RCAN2: variants seen among roughly 807,000 people sequenced by gnomAD.
The protein encoded by RCAN2 is calcipressin-2.
In RCAN2, 9 loss-of-function variants were observed where a neutral mutation model predicts 23.6. That is an observed-to-expected ratio of 0.38 (90% CI 0.23 to 0.67). The LOEUF is 0.67. Among genes scored for constraint, RCAN2 ranks in the 30% least tolerant of loss-of-function variants. The pLI is 0.51. For synonymous variants in RCAN2, 109 were observed against 115.7 expected (o/e 0.94, Z 0.37); for missense variants, 273 against 302.3 (o/e 0.90, Z 0.72).
intron 2 of RCAN2, among the ~76,000 whole-genome samples, chr6:46,355,411 C>T (rs1403032948): frequency 6.6e-6 from 1 of 152,106 alleles, no homozygotes; most frequent in African/African-American, 2.4e-5. Flanking sequence ...GGCTCCAGCT[C>T]GACTGGTCAA....
At chr6:46,399,124 A>T (rs907931744) in intron 2 of RCAN2, among the ~76,000 whole-genome samples, 1 of 151,962 alleles carries the variant, frequency 6.6e-6, no homozygotes, top group African/African-American at 2.4e-5. Flanking sequence ...GTATTAATAA[A>T]GTACCTTCAG....
At chr6:46,273,529 A>T (rs2150334221) in intron 2 of RCAN2, among the ~76,000 whole-genome samples, 1 of 152,336 alleles carries the variant, frequency 6.6e-6, no homozygotes, top group Middle Eastern at 3.4e-3. Context: ...AAGGAGCTTA[A>T]GTGATTTTCC....
chr6:46,327,548 G>A (rs1164052584), intron 2 of RCAN2, among the ~76,000 whole-genome samples: 1 of 152,142 alleles, frequency 6.6e-6, no homozygotes, highest in Non-Finnish European at 1.5e-5. Flanking sequence ...GGTAAATGGG[G>A]GATCTACCTG....
chr6:46,478,356 C>A (rs1013345718), intron 1 of RCAN2, among the ~76,000 whole-genome samples: 19 of 152,260 alleles, frequency 1.2e-4, no homozygotes, highest in South Asian at 4.2e-4. Flanking sequence ...ACAACAAACA[C>A]CTATAACACA....
intron 2 of RCAN2, among the ~76,000 whole-genome samples, chr6:46,296,066 CGTGT>C (rs60947209): frequency 0.02 from 2,777 of 138,496 alleles, 65 homozygotes; most frequent in African/African-American, 0.062. Flanking sequence ...CCAATAGCTT[CGTGT>C]GTGTGTGTGT....
chr6:46,414,111 A>C (rs570149171), intron 2 of RCAN2, among the ~76,000 whole-genome samples: 2 of 152,314 alleles, frequency 1.3e-5, no homozygotes, highest in Admixed American at 1.3e-4. Context: ...TAAAATGCCA[A>C]TATGCTGGCC....
intron 1 of RCAN2, among the ~76,000 whole-genome samples, chr6:46,466,225 A>C (rs1224621286): frequency 6.6e-6 from 1 of 152,224 alleles, no homozygotes; most frequent in Admixed American, 6.5e-5. Context: ...AAAGCACAAG[A>C]ACGTTGCTAT....
chr6:46,289,488 A>G (rs745876262), intron 2 of RCAN2, among the ~76,000 whole-genome samples: 2 of 152,206 alleles, frequency 1.3e-5, no homozygotes, highest in African/African-American at 4.8e-5. Context: ...GAGAAAAAAG[A>G]TATTTTATCT....
At chr6:46,311,028 T>G (rs1296822435) in intron 2 of RCAN2, among the ~76,000 whole-genome samples, 1 of 152,188 alleles carries the variant, frequency 6.6e-6, no homozygotes, top group African/African-American at 2.4e-5. Context: ...AGTACCTACA[T>G]GCTTTAGGTA....
At chr6:46,409,900 G>T (rs1389691588) in intron 2 of RCAN2, among the ~76,000 whole-genome samples, 2 of 152,162 alleles carry the variant, frequency 1.3e-5, no homozygotes, top group African/African-American at 4.8e-5. Flanking sequence ...GAAGAGACTG[G>T]CATTTGAAAT....
chr6:46,460,009 G>C (rs193204494), intron 1 of RCAN2, among the ~76,000 whole-genome samples: 5 of 151,866 alleles, frequency 3.3e-5, no homozygotes. Flanking sequence ...AAGTATAAAG[G>C]TCCCACAGCT....
intron 2 of RCAN2, among the ~76,000 whole-genome samples, chr6:46,414,130 G>A (rs1171457257): frequency 6.6e-6 from 1 of 152,194 alleles, no homozygotes; most frequent in Non-Finnish European, 1.5e-5. Context: ...CCAGTGAGGA[G>A]ACTGAGGTTC....
rs200581033 is a variant in RCAN2 at position 46,223,201 on chromosome 6, G to A, written c.672C>T (p.Ser224=). The change falls in exon 5 of 5, where the codon TCC becomes TCT. Residue 224 remains serine (S), a synonymous_variant. Transcript: ENST00000371374. ...DIEEEEDPKT[S]PKPKIIQTRR... is the part of the protein sequence containing the mutation. Reference sequence around the variant, plus strand: ...GAGTTTGGATGATTTTTGGCTTTGGGGAAGTCTTTGGGTCCTCTTCTTCCT... The same window carrying A: ...GAGTTTGGATGATTTTTGGCTTTGGAGAAGTCTTTGGGTCCTCTTCTTCCT... The A allele has an allele frequency of 4.6e-4, 735 of 1,613,924 alleles. 3 individuals carry two copies. Among genetic ancestry groups the A allele is most frequent in the Middle Eastern group, 6.7e-4 (4 of 5,992 alleles).
Position 46,333,388 on chromosome 6 carries a change from G to A in RCAN2, c.226-84492C>T, listed in dbSNP as rs550856203. Among the ~76,000 whole-genome samples, 9 of 152,270 alleles carry A rather than the reference G, an allele frequency of 5.9e-5. No homozygotes were observed. The East Asian group carries it at 1.5e-3, about 26-fold the overall frequency. The stretch of plus-strand genomic sequence containing the variant: ...GCCTTTTCCTTTTTACACCTGTATA[G>A]TATTCAACTATTTGGATTTACCAAC... On this transcript the variant is annotated intron_variant, in intron 2 of 4. Transcript: ENST00000371374.
chr6:46,418,363 C>G (rs1766770128), intron 2 of RCAN2, among the ~76,000 whole-genome samples: 1 of 152,190 alleles, frequency 6.6e-6, no homozygotes, highest in South Asian at 2.1e-4. Flanking sequence ...ATTCAGCCCT[C>G]TAATCATTAA....
chr6:46,261,202 A>T (rs1310224725), intron 2 of RCAN2, among the ~76,000 whole-genome samples: 1 of 152,220 alleles, frequency 6.6e-6, no homozygotes, highest in Non-Finnish European at 1.5e-5. Flanking sequence ...GTCTCACAAG[A>T]GGACAGGAAT....
At chr6:46,436,504 C>T (rs9463203) in intron 2 of RCAN2, among the ~76,000 whole-genome samples, 66,687 of 152,096 alleles carry the variant, frequency 0.44, 15,092 homozygotes, top group East Asian at 0.6. Context: ...CATGAGCCAC[C>T]GTGCCGGGCC....
chr6:46,473,941 A>T (rs1259099203), intron 1 of RCAN2, among the ~76,000 whole-genome samples: 1 of 152,194 alleles, frequency 6.6e-6, no homozygotes, highest in Non-Finnish European at 1.5e-5. Flanking sequence ...AGAAGCTACT[A>T]TGTGCAAACT....
At chr6:46,390,385 A>G (rs1765898426) in intron 2 of RCAN2, among the ~76,000 whole-genome samples, 1 of 152,194 alleles carries the variant, frequency 6.6e-6, no homozygotes, top group Non-Finnish European at 1.5e-5. Flanking sequence ...TTCTCACTGC[A>G]TTTGTGGTCT....
Sources: gnomAD v4.1 joint callset for allele counts (sites outside exome capture counted in the v4.1 genomes callset) on GRCh38, gnomAD v4.1.1 for gene constraint, MANE v1.5 for transcripts, NCBI Gene and HGNC (gene_info 2026-07-23, HGNC 2026-07-21) for gene names.